MAGI2: variants seen among roughly 807,000 people sequenced by gnomAD.
The protein encoded by MAGI2 is membrane associated guanylate kinase, WW and PDZ domain containing 2, also known as membrane-associated guanylate kinase, WW and PDZ domain-containing protein 2.
A neutral mutation model predicts 133.3 loss-of-function variants in MAGI2; 35 were observed. That is an observed-to-expected ratio of 0.26 (90% CI 0.20 to 0.35). The LOEUF (loss-of-function observed/expected upper bound fraction) is 0.35, where lower values mean the gene tolerates loss of function less well. Among genes scored for constraint, MAGI2 ranks in the 10% least tolerant of loss-of-function variants. The probability of loss-of-function intolerance (pLI) is 1.00; values close to 1 mark genes in which losing one functional copy is unlikely to be tolerated. For synonymous variants in MAGI2, 729 were observed against 710.6 expected (o/e 1.03, Z -0.41); for missense variants, 1,636 against 1,863.4 (o/e 0.88, Z 2.25).
chr7:79,367,726 G>GT (rs1428431124), intron 1 of MAGI2, among the ~76,000 whole-genome samples: 3 of 151,454 alleles, frequency 2.0e-5, no homozygotes, highest in East Asian at 1.9e-4. Context: ...TTTCAGGTAG[G>GT]TTTTTTATAC....
chr7:79,141,870 C>T (rs2129546246), intron 1 of MAGI2, among the ~76,000 whole-genome samples: 1 of 152,174 alleles, frequency 6.6e-6, no homozygotes, highest in South Asian at 2.1e-4. Flanking sequence ...CATAGGATAC[C>T]TATGTCTTGA....
At position 78,580,325 on chromosome 7, in the gene MAGI2, CTG is replaced by C. The variant is rs1802704779; in HGVS notation, c.538+46793_538+46794del. Reference sequence around the variant, plus strand: ...AAGAAAATCAAGGGGAAAATGATGACTGGCCCTCTGTGCTACAGTTCTTGAAA... The same window carrying C: ...AAGAAAATCAAGGGGAAAATGATGACGCCCTCTGTGCTACAGTTCTTGAAA... On this transcript the variant is annotated intron_variant, in intron 3 of 21. Transcript: ENST00000354212. Among the ~76,000 whole-genome samples, 3 of 152,174 alleles carry C rather than the reference CTG, an allele frequency of 2.0e-5. No individual in the cohort carries two copies. The South Asian group carries it at 6.2e-4, about 31-fold the overall frequency.
chr7:79,125,562 C>T (rs1478587434), intron 1 of MAGI2: 2 of 507,156 alleles, frequency 3.9e-6, no homozygotes, highest in Non-Finnish European at 7.9e-6. Flanking sequence ...GCAGCTATAA[C>T]AGCTGTATCA....
At chr7:78,261,387 T>C (rs1366525943) in intron 9 of MAGI2, among the ~76,000 whole-genome samples, 1 of 152,170 alleles carries the variant, frequency 6.6e-6, no homozygotes, top group Non-Finnish European at 1.5e-5. Context: ...CAAAGGTATC[T>C]TCCATCACTC....
At chr7:78,786,976 A>T (rs1188477990) in intron 2 of MAGI2, among the ~76,000 whole-genome samples, 1 of 150,626 alleles carries the variant, frequency 6.6e-6, no homozygotes, top group Non-Finnish European at 1.5e-5. Context: ...TTTTAGACAG[A>T]GTCTCTCTCT....
chr7:78,070,450 ATATG>A (rs1312764822), intron 21 of MAGI2, among the ~76,000 whole-genome samples: 1 of 147,466 alleles, frequency 6.8e-6, no homozygotes, highest in East Asian at 2.0e-4. Flanking sequence ...ATGTGTATAT[ATATG>A]TGTGTGTATA....
At chr7:79,218,056 C>T (rs1490249592) in intron 1 of MAGI2, among the ~76,000 whole-genome samples, 3 of 151,938 alleles carry the variant, frequency 2.0e-5, no homozygotes, top group African/African-American at 7.3e-5. Flanking sequence ...GAGACTAGAA[C>T]TACAATCTGC....
chr7:79,214,485 A>ATATATATGTT (rs1219175053), intron 1 of MAGI2, among the ~76,000 whole-genome samples: 1 of 136,782 alleles, frequency 7.3e-6, no homozygotes, highest in Non-Finnish European at 1.6e-5. Flanking sequence ...ATATATATGT[A>ATATATATGTT]TATATATGGG....
chr7:78,781,791 A>G (rs1465241088), intron 2 of MAGI2, among the ~76,000 whole-genome samples: 1 of 152,234 alleles, frequency 6.6e-6, no homozygotes, highest in South Asian at 2.1e-4. Flanking sequence ...TTAACATCAG[A>G]AAAAACATCC....
chr7:78,274,549 C>G (rs1356476280), intron 9 of MAGI2, among the ~76,000 whole-genome samples: 1 of 152,114 alleles, frequency 6.6e-6, no homozygotes, highest in East Asian at 1.9e-4. Context: ...ACCGCCCCTT[C>G]CCCCAAGTGC....
chr7:78,058,352 C>G (rs923317891), intron 21 of MAGI2, among the ~76,000 whole-genome samples: 1 of 152,130 alleles, frequency 6.6e-6, no homozygotes, highest in Non-Finnish European at 1.5e-5. Flanking sequence ...CTCCCTCCCC[C>G]CACTTTTCCG....
At chr7:79,261,578 T>C (rs2129556451) in intron 1 of MAGI2, among the ~76,000 whole-genome samples, 1 of 152,276 alleles carries the variant, frequency 6.6e-6, no homozygotes, top group South Asian at 2.1e-4. Flanking sequence ...GACCCCTTTA[T>C]GTAATGTTTC....
At chr7:78,573,057 A>ATATG (rs1801704306) in intron 3 of MAGI2, among the ~76,000 whole-genome samples, 1 of 103,372 alleles carries the variant, frequency 9.7e-6, no homozygotes, top group Non-Finnish European at 1.9e-5. Context: ...ATATATATAT[A>ATATG]TATATATATA....
intron 2 of MAGI2, among the ~76,000 whole-genome samples, chr7:78,702,444 CTAAA>C (rs1419896875): frequency 1.3e-5 from 2 of 151,834 alleles, no homozygotes; most frequent in African/African-American, 2.4e-5. Context: ...TTTATAGTCA[CTAAA>C]TAGAATAATG....
At chr7:79,377,382 T>C (rs889314949) in intron 1 of MAGI2, among the ~76,000 whole-genome samples, 8 of 151,834 alleles carry the variant, frequency 5.3e-5, no homozygotes, top group Non-Finnish European at 1.0e-4. Flanking sequence ...GGAGCCCTAA[T>C]GGCCAGAGAG....
At chr7:78,366,848 A>G (rs1356778897) in intron 7 of MAGI2, among the ~76,000 whole-genome samples, 2 of 152,150 alleles carry the variant, frequency 1.3e-5, no homozygotes, top group Non-Finnish European at 2.9e-5. Flanking sequence ...CAACTCTATA[A>G]AATCATGTAA....
At chr7:78,650,270 G>C (rs1811408173) in intron 2 of MAGI2, among the ~76,000 whole-genome samples, 3 of 152,132 alleles carry the variant, frequency 2.0e-5, no homozygotes, top group Admixed American at 1.3e-4. Context: ...GCATGTTTAT[G>C]AACTTCATGT....
intron 2 of MAGI2, among the ~76,000 whole-genome samples, chr7:78,695,261 C>G (rs552319110): frequency 6.6e-5 from 10 of 152,234 alleles, no homozygotes; most frequent in African/African-American, 1.9e-4. Context: ...AAAATGTCTC[C>G]TGAATTGTTC....
intron 1 of MAGI2, among the ~76,000 whole-genome samples, chr7:79,405,229 T>G (rs745667569): frequency 1.4e-4 from 22 of 152,282 alleles, no homozygotes; most frequent in Non-Finnish European, 1.5e-4. Context: ...ACTTACAATA[T>G]CCTTATAGTA....
Sources: gnomAD v4.1 joint callset for allele counts (sites outside exome capture counted in the v4.1 genomes callset) on GRCh38, gnomAD v4.1.1 for gene constraint, MANE v1.5 for transcripts, NCBI Gene and HGNC (gene_info 2026-07-23, HGNC 2026-07-21) for gene names.